TRABD2A: variants seen among roughly 807,000 people sequenced by gnomAD.
TRABD2A encodes metalloprotease TIKI1.
Under a neutral mutation model 45.6 loss-of-function variants are expected in TRABD2A, and 43 were observed. That is an observed-to-expected ratio of 0.94 (90% CI 0.74 to 1.22). The LOEUF is 1.22. Ranked by LOEUF, TRABD2A falls within the 50% of genes most tolerant of loss-of-function variation. TRABD2A has a pLI of 0.00. For synonymous variants in TRABD2A, 269 were observed against 265.0 expected, an observed-to-expected ratio of 1.02 and a Z score of -0.15; for missense variants, 642 against 652.4, an observed-to-expected ratio of 0.98 and a Z score of 0.17.
rs967688804 is a variant in TRABD2A at position 84,838,344 on chromosome 2, T to C, written c.991+805A>G. ...TCTTAAATAAACACTTCTAGGATTGTTGCAAGCCTTTAATTAATTTCCAGA... is the reference window on the plus strand; with the variant it reads ...TCTTAAATAAACACTTCTAGGATTGCTGCAAGCCTTTAATTAATTTCCAGA... On this transcript the variant is annotated intron_variant, in intron 4 of 6. Transcript: ENST00000409520. The C allele has an allele frequency of 2.7e-4, 179 of 672,656 alleles. 1 individual carries two copies. The highest frequency in any genetic ancestry group is 4.3e-4 in the Admixed American group (18 of 41,404). 41.7% of individuals were successfully genotyped at this position (672,656 alleles called of 1,614,324 possible).
intron 4 of TRABD2A, chr2:84,833,995 C>G (rs73946023): frequency 1.3e-5 from 2 of 152,464 alleles, no homozygotes. Flanking sequence ...TCCCCAGCGC[C>G]CCATTACCCC....
At chr2:84,866,682 CTTTTTTT>C (rs111567421) in intron 2 of TRABD2A, among the ~76,000 whole-genome samples, 4,049 of 139,458 alleles carry the variant, frequency 0.029, 84 homozygotes, top group South Asian at 0.062. Context: ...CAATTTCCTG[CTTTTTTT>C]TTTTTTTTTG....
rs370369490 is a variant in TRABD2A at position 84,823,975 on chromosome 2, G to T, written c.1312C>A (p.Leu438Met). The T allele has an allele frequency of 1.3e-5, 21 of 1,613,808 alleles. No homozygotes were observed. Among genetic ancestry groups the T allele is most frequent in the Non-Finnish European group, 1.7e-5 (20 of 1,179,904 alleles). Residue 438 changes from leucine (L) to methionine (M), a missense_variant, in exon 6 of 7, where the codon CTG becomes ATG. Coordinates refer to ENST00000409520, the MANE Select transcript of TRABD2A (RefSeq NM_001277053.2). ...GACCTCTCCTCCAGGCGGACCCACA[G>T]ATCGCTGAATTGCCGGAGTCGCGGC... ...RRPRLRQFSD[L>M]WVRLEESDIV...
At chr2:84,867,480 C>T (rs1682718962) in intron 2 of TRABD2A, among the ~76,000 whole-genome samples, 1 of 152,126 alleles carries the variant, frequency 6.6e-6, no homozygotes, top group Non-Finnish European at 1.5e-5. Flanking sequence ...ACCATAAAAA[C>T]CCTACAAGCA....
intron 2 of TRABD2A, among the ~76,000 whole-genome samples, chr2:84,866,683 T>C (rs1184690538): frequency 1.8e-5 from 1 of 56,010 alleles, no homozygotes; most frequent in African/African-American, 1.0e-4. Context: ...AATTTCCTGC[T>C]TTTTTTTTTT....
At chr2:84,877,717 G>A (rs1447338988) in intron 1 of TRABD2A, among the ~76,000 whole-genome samples, 1 of 152,156 alleles carries the variant, frequency 6.6e-6, no homozygotes, top group East Asian at 1.9e-4. Flanking sequence ...TCCATCCAGT[G>A]AAAAAGAACA....
intron 5 of TRABD2A, among the ~76,000 whole-genome samples, chr2:84,831,588 A>C (rs1408526917): frequency 1.3e-5 from 2 of 151,930 alleles, no homozygotes; most frequent in Non-Finnish European, 2.9e-5. Flanking sequence ...GCTCAGAGAA[A>C]AGGTGCTTTC....
chr2:84,849,747 G>A (rs5016358), intron 2 of TRABD2A, among the ~76,000 whole-genome samples: 1 of 152,196 alleles, frequency 6.6e-6, no homozygotes, highest in Non-Finnish European at 1.5e-5. Flanking sequence ...AAATGCCTTA[G>A]AGAGGTGCTG....
At chr2:84,824,346 C>CAGTTCTTGAAATTACCT in intron 5 of TRABD2A, 142 bp from the exon 6 acceptor site, 1 of 1,228,910 alleles carries the variant, frequency 8.1e-7, no homozygotes, top group Non-Finnish European at 1.1e-6. Context: ...AGAAATTACC[C>CAGTTCTTGAAATTACCT]AGTTCTTGAA....
intron 2 of TRABD2A, among the ~76,000 whole-genome samples, chr2:84,859,762 A>G (rs1682431754): frequency 6.6e-6 from 1 of 152,136 alleles, no homozygotes; most frequent in South Asian, 2.1e-4. Context: ...CCAGTTCAGG[A>G]GGTCTGGGAT....
intron 2 of TRABD2A, among the ~76,000 whole-genome samples, chr2:84,868,474 C>T (rs995238969): frequency 1.8e-4 from 27 of 150,126 alleles, no homozygotes; most frequent in Admixed American, 1.6e-3. Flanking sequence ...ATTATCCTCC[C>T]CCATTAACTA....
Position 84,842,007 on chromosome 2 carries a change from C to A in TRABD2A, c.670G>T (p.Val224Phe). The A allele has an allele frequency of 4.7e-6, 7 of 1,494,240 alleles. No individual in the cohort carries two copies. In the South Asian group the frequency reaches 9.2e-5, roughly 20 times the overall value. 92.6% of individuals were successfully genotyped at this position (1,494,240 alleles called of 1,614,324 possible). A position where few individuals can be genotyped will look rare whatever the true frequency, so the allele number is the denominator to read the frequency against. Residue 224 changes from valine (V) to phenylalanine (F), a missense_variant and splice_region_variant, in exon 3 of 7, where the codon GTC (valine) becomes TTC (phenylalanine). Val to Phe is a conservative substitution (Grantham distance 50). Coordinates refer to ENST00000409520, the MANE Select transcript of TRABD2A (RefSeq NM_001277053.2). ...AGGGTCTGGTTCAAAGCAAAGATGA[C>A]CTAAAAGAAAGGTCTCTTTTAAGTT... ...HPLNGLNFSQVIFALNQTLLQ... is the reference protein window; with the variant it reads ...HPLNGLNFSQFIFALNQTLLQ...
chr2:84,866,636 T>C (rs1047794602), intron 2 of TRABD2A, among the ~76,000 whole-genome samples: 2 of 151,876 alleles, frequency 1.3e-5, no homozygotes, highest in Non-Finnish European at 2.9e-5. Context: ...GTATGTTCAC[T>C]CCCTTCTGCT....
rs1022155875 is a variant in TRABD2A, at chr2:84,870,684, G to A, written c.210C>T (p.Ile70=). 1.9e-6 allele frequency: 3 copies of A among 1,607,316 alleles called. No homozygotes were observed. Among genetic ancestry groups the A allele is most frequent in the East Asian group, 4.5e-5 (2 of 44,706 alleles). The change falls in exon 2 of 7, where the codon ATC becomes ATT. Residue 70 remains isoleucine, a synonymous_variant. Coordinates refer to ENST00000409520, the MANE Select transcript of TRABD2A (RefSeq NM_001277053.2). ...GGAAAGCCTCCTTAGAGTTGTCGGG[G>A]ATGAAGTCCCAAACTCGGGTGTACG... ...HVPYTRVWDF[I]PDNSKEAFLQ...
At chr2:84,849,537 T>C (rs1559091030) in intron 2 of TRABD2A, 1 of 151,950 alleles carries the variant, frequency 6.6e-6, no homozygotes, top group Non-Finnish European at 1.5e-5. Context: ...GTAAACCAGC[T>C]CTTTTGTACA....
intron 1 of TRABD2A, among the ~76,000 whole-genome samples, chr2:84,872,852 C>T (rs1472194650): frequency 6.6e-6 from 1 of 152,156 alleles, no homozygotes; most frequent in Non-Finnish European, 1.5e-5. Context: ...TAGTAGCTCA[C>T]GCCTGTAATT....
chr2:84,823,575 C>A (rs753585307), intron 6 of TRABD2A, among the ~76,000 whole-genome samples: 1 of 152,198 alleles, frequency 6.6e-6, no homozygotes, highest in Non-Finnish European at 1.5e-5. Context: ...GGGGGTTAAA[C>A]ATGCCCATTC....
Position 84,823,998 on chromosome 2 carries a change from G to GCCTCCGCTGTGACCGCA in TRABD2A, c.1288_1289insTGCGGTCACAGCGGAGG (p.Pro430LeufsTer24). ...CAGATCGCTGAATTGCCGGAGTCGCGGCCTCCGCTGTGACCGCCTCCGCTT... is the reference window on the plus strand; with the variant it reads ...CAGATCGCTGAATTGCCGGAGTCGCGCCTCCGCTGTGACCGCAGCCTCCGCTGTGACCGCCTCCGCTT... On this transcript the variant is annotated frameshift_variant, in exon 6 of 7. Transcript: ENST00000409520. LOFTEE classifies it low-confidence loss of function (END_TRUNC). 1 of 1,613,578 alleles carries GCCTCCGCTGTGACCGCA rather than the reference G, an allele frequency of 6.2e-7. No homozygotes were observed.
At chr2:84,863,844 G>A (rs1001095351) in intron 2 of TRABD2A, among the ~76,000 whole-genome samples, 3 of 151,952 alleles carry the variant, frequency 2.0e-5, no homozygotes, top group African/African-American at 7.2e-5. Flanking sequence ...ATCTCCTGAC[G>A]AGAAAGGGAA....
Sources: allele counts gnomAD v4.1 joint callset (sites outside exome capture counted in the v4.1 genomes callset), GRCh38; gene constraint gnomAD v4.1.1; transcripts MANE v1.5; gene names NCBI Gene and HGNC (gene_info 2026-07-23, HGNC 2026-07-21).